The following ITIH5 variants were observed in gnomAD, a reference collection of about 807,000 sequenced individuals.
The protein encoded by ITIH5 is inter-alpha-trypsin inhibitor heavy chain 5.
ITIH5 carries 65 observed loss-of-function variants against 77.5 expected under a neutral mutation model. That is an observed-to-expected ratio of 0.84 (90% CI 0.69 to 1.03). ITIH5 has a LOEUF of 1.03. Among genes scored for constraint, ITIH5 ranks in the 50% least tolerant of loss-of-function variants. The pLI, the probability that ITIH5 is intolerant of heterozygous loss-of-function variation, is 0.00. For missense variants in ITIH5, 1,208 were observed against 1,213.1 expected, an observed-to-expected ratio of 1.00 and a Z score of 0.06; for synonymous variants, 525 against 494.3, an observed-to-expected ratio of 1.06 and a Z score of -0.82.
chr10:7,572,208 G>A (rs1007913096), intron 11 of ITIH5: 1 of 1,231,194 alleles, frequency 8.1e-7, no homozygotes, highest in Non-Finnish European at 1.0e-6. Context: ...CTGGCTTTAG[G>A]AACTTGCACG....
chr10:7,584,018 AACTC>A (rs1187104095), intron 8 of ITIH5, among the ~76,000 whole-genome samples: 2 of 152,156 alleles, frequency 1.3e-5, no homozygotes, highest in Non-Finnish European at 2.9e-5. Flanking sequence ...GAAATGCTTT[AACTC>A]ACTCCATCCT....
chr10:7,662,792 A>G (rs1425773886), intron 1 of ITIH5, among the ~76,000 whole-genome samples: 2 of 152,240 alleles, frequency 1.3e-5, no homozygotes, highest in African/African-American at 4.8e-5. Context: ...ACTCATTTCA[A>G]CAATCCAGCC....
chr10:7,642,992 G>A (rs1833913946), intron 2 of ITIH5, among the ~76,000 whole-genome samples: 1 of 152,216 alleles, frequency 6.6e-6, no homozygotes, highest in East Asian at 1.9e-4. Context: ...TTGCGGGGAA[G>A]GCAGTATTTG....
intron 5 of ITIH5, among the ~76,000 whole-genome samples, chr10:7,623,374 G>A (rs1225333762): frequency 1.3e-5 from 2 of 152,104 alleles, no homozygotes; most frequent in Non-Finnish European, 2.9e-5. Context: ...AATATATGGA[G>A]GTCAAAAATA....
intron 6 of ITIH5, among the ~76,000 whole-genome samples, chr10:7,616,731 G>C (rs549038316): frequency 1.3e-5 from 2 of 152,278 alleles, no homozygotes; most frequent in East Asian, 3.9e-4. Flanking sequence ...GGGAGGCTGA[G>C]GCAGGAGAAT....
intron 7 of ITIH5, among the ~76,000 whole-genome samples, chr10:7,599,935 T>C (rs190457652): frequency 1.1e-4 from 17 of 152,270 alleles, no homozygotes; most frequent in Admixed American, 1.0e-3. Context: ...GAGATTTCTG[T>C]TGCAAGAGGG....
rs1739000795 is a variant in ITIH5, at chr10:7,560,310, T to A, written c.*2773A>T. ...ACATATACACTCAATCCAAGGCATG[T>A]CGTTTAGCCAAAAGTTAAAGTTAAA... On this transcript the variant is annotated 3_prime_UTR_variant, in exon 14 of 14. Coordinates refer to ENST00000397146, the MANE Select transcript of ITIH5 (RefSeq NM_030569.7). 1 of 153,084 alleles carries A rather than the reference T, an allele frequency of 6.5e-6. No homozygotes were observed. The highest frequency in any genetic ancestry group is 2.4e-5 in the African/African-American group (1 of 41,460). 9.5% of individuals were successfully genotyped at this position (153,084 alleles called of 1,614,324 possible).
In ITIH5 at chr10:7,665,844, C is replaced by G. The variant is rs192792788; in HGVS notation, c.90+959G>C. Among the ~76,000 whole-genome samples the G allele has an allele frequency of 2.0e-3, 312 of 152,232 alleles. 1 individual carries two copies. The highest frequency in any genetic ancestry group is 3.9e-3 in the Non-Finnish European group (262 of 68,028). ...CTGGGATTTTATTAGCTACTCCCCC[C>G]CTAGAAGGAAGTATCATTACTACCA... On this transcript the variant is annotated intron_variant, in intron 1 of 13. Transcript: ENST00000397146.
In ITIH5 at chr10:7,666,950, A is replaced by G. The variant is rs1464452440; in HGVS notation, c.-58T>C. On this transcript the variant is annotated 5_prime_UTR_variant, in exon 1 of 14. Transcript: ENST00000397146. ...CGGCGGGACACGCTTTGCAGCGCCC[A>G]GGGCTCCAGCCACTGCGGGACGCTC... 4 of 1,418,188 alleles carry G rather than the reference A, an allele frequency of 2.8e-6. No individual in the cohort carries two copies. Among genetic ancestry groups the G allele is most frequent in the Non-Finnish European group, 3.8e-6 (4 of 1,042,698 alleles). The allele number at this position is 1,418,188 out of a possible 1,614,324, so 87.9% of individuals were successfully genotyped here.
At chr10:7,644,425 CATATATCAT>C (rs1283252365) in intron 2 of ITIH5, among the ~76,000 whole-genome samples, 17 of 142,632 alleles carry the variant, frequency 1.2e-4, no homozygotes, top group Non-Finnish European at 2.3e-4. Flanking sequence ...ATATATATCA[CATATATCAT>C]ATATATCACA....
chr10:7,606,960 T>C (rs1833138340), intron 7 of ITIH5, among the ~76,000 whole-genome samples: 1 of 152,250 alleles, frequency 6.6e-6, no homozygotes, highest in Non-Finnish European at 1.5e-5. Flanking sequence ...TTTTGCCCTC[T>C]GTCCATCATT....
At chr10:7,617,410 TAAG>T (rs1312633334) in intron 5 of ITIH5, 128 bp from the exon 6 acceptor site, 1 of 611,270 alleles carries the variant, frequency 1.6e-6, no homozygotes, top group Non-Finnish European at 2.7e-6. Context: ...CAGGAACTTC[TAAG>T]ACTGTACTCA....
In ITIH5 at chr10:7,617,121, C is replaced by A; in HGVS notation, c.814G>T (p.Asp272Tyr). The A allele has an allele frequency of 6.4e-7, 1 of 1,555,334 alleles. No individual in the cohort carries two copies. The highest frequency in any genetic ancestry group is 1.3e-5 in the South Asian group (1 of 79,012). Residue 272 changes from aspartate to tyrosine, a missense_variant, in exon 6 of 14, where the codon GAC becomes TAC. Asp to Tyr is a radical substitution (Grantham distance 160). Transcript: ENST00000397146. Reference sequence around the variant, plus strand: ...AACGACGATCCTATTACCTGGATGTCCCCAATGCTCTGTTCTCTATTGACG... The same window carrying A: ...AACGACGATCCTATTACCTGGATGTACCCAATGCTCTGTTCTCTATTGACG... ...YDVNREQSIGDIQVLNGYFVH... is the reference protein window; with the variant it reads ...YDVNREQSIGYIQVLNGYFVH...
In ITIH5 at chr10:7,602,486, G is replaced by A. The variant is rs1182295293; in HGVS notation, c.939+13496C>T. On this transcript the variant is annotated intron_variant, in intron 7 of 13. Coordinates refer to ENST00000397146, the MANE Select transcript of ITIH5 (RefSeq NM_030569.7). ...CCAGGCTGTTCTCATGATAATGAGT[G>A]AGTCTCACAAGATCTGACGGTTTTT... Among the ~76,000 whole-genome samples, 4 of 152,198 alleles carry A rather than the reference G, an allele frequency of 2.6e-5. No individual in the cohort carries two copies. In the East Asian group the frequency reaches 7.7e-4, roughly 29 times the overall value.
intron 7 of ITIH5, among the ~76,000 whole-genome samples, chr10:7,601,203 C>A (rs1833008106): frequency 6.6e-6 from 1 of 152,166 alleles, no homozygotes; most frequent in Non-Finnish European, 1.5e-5. Context: ...TGCATCATGA[C>A]CACATCTAAG....
rs758300680 is a variant in ITIH5 at position 7,569,629 on chromosome 10, G to A, written c.2149+39C>T. ...ACAGAGGGGGATGCAGTACCTACCT[G>A]GTCCTTGCCCAGATGCTGCAGCGGA... On this transcript the variant is annotated intron_variant, in intron 12 of 13. Coordinates refer to ENST00000397146, the MANE Select transcript of ITIH5 (RefSeq NM_030569.7). 3.7e-6 allele frequency: 5 copies of A among 1,355,150 alleles called. No homozygotes were observed. In the African/African-American group the frequency reaches 7.2e-5, roughly 20 times the overall value. 83.9% of individuals were successfully genotyped at this position (1,355,150 alleles called of 1,614,324 possible).
chr10:7,645,460 A>T (rs1833996430), intron 2 of ITIH5, among the ~76,000 whole-genome samples: 1 of 152,182 alleles, frequency 6.6e-6, no homozygotes, highest in Admixed American at 6.5e-5. Context: ...TGGCCCAGCA[A>T]GCCGCAGTTT....
intron 2 of ITIH5, among the ~76,000 whole-genome samples, chr10:7,646,641 G>A (rs1834013765): frequency 6.6e-6 from 1 of 152,150 alleles, no homozygotes; most frequent in Non-Finnish European, 1.5e-5. Flanking sequence ...ACAAAGGGTG[G>A]CTGAAGCTGG....
intron 9 of ITIH5, among the ~76,000 whole-genome samples, chr10:7,579,208 A>C (rs1832486210): frequency 6.6e-6 from 1 of 152,238 alleles, no homozygotes; most frequent in South Asian, 2.1e-4. Flanking sequence ...ACAGATGAGA[A>C]AACGGAGGTA....
Sources: allele counts gnomAD v4.1 joint callset (sites outside exome capture counted in the v4.1 genomes callset), GRCh38; gene constraint gnomAD v4.1.1; transcripts MANE v1.5; gene names NCBI Gene and HGNC (gene_info 2026-07-23, HGNC 2026-07-21).